Variants in L3MBTL2 observed in about 807,000 individuals in gnomAD.
L3MBTL2 encodes the protein L3MBTL histone methyl-lysine binding protein 2.
In L3MBTL2, 49 loss-of-function variants were observed where a neutral mutation model predicts 86.4. That is an observed-to-expected ratio of 0.57 (90% CI 0.45 to 0.72). The LOEUF is 0.72. Ranked by LOEUF, L3MBTL2 falls within the 30% of genes least tolerant of loss-of-function variation. L3MBTL2 has a pLI of 0.00. For missense variants in L3MBTL2, 755 were observed against 923.7 expected (o/e 0.82, Z 2.37); for synonymous variants, 336 against 350.6 (o/e 0.96, Z 0.47).
At position 41,224,971 on chromosome 22, in the gene L3MBTL2, G is replaced by T. The variant is rs774290679; in HGVS notation, c.1256G>T (p.Arg419Leu). The T allele has an allele frequency of 1.2e-6, 2 of 1,613,432 alleles. No individual in the cohort carries two copies. The highest frequency in any genetic ancestry group is 1.7e-6 in the Non-Finnish European group (2 of 1,179,644). ...DAVPYLFKKV[R>L]AVYTEGGWFE... ...CAGCTGTCCCATTCCTTTAAGGTAC[G>T]AGCAGTCTACACAGAAGGCGGTTGG... is the stretch of plus-strand genomic sequence containing the variant. Residue 419 changes from arginine (R) to leucine (L), a missense_variant, in exon 11 of 17, where the codon CGA (arginine) becomes CTA (leucine). This residue lies in a region of L3MBTL2 where 634 missense variants were observed against 748.9 expected (regional missense o/e 0.85). Transcript: ENST00000216237. The surrounding 1 kb of genome is among the most constrained non-coding windows in gnomAD (Gnocchi z 4.9).
intron 2 of L3MBTL2, among the ~76,000 whole-genome samples, chr22:41,211,560 T>TCTTTC (rs199952487): frequency 7.3e-5 from 9 of 123,986 alleles, no homozygotes; most frequent in Non-Finnish European, 1.1e-4. Flanking sequence ...TTATTTCCTT[T>TCTTTC]TTTTTTTTTT....
At chr22:41,226,512 C>G in intron 12 of L3MBTL2, 150 bp from the exon 13 acceptor site, 2 of 671,102 alleles carry the variant, frequency 3.0e-6, no homozygotes, top group Non-Finnish European at 5.3e-6. Flanking sequence ...AGAGCAGGTA[C>G]TACCCTGAGG....
chr22:41,220,181 C>G (rs1366879842), intron 6 of L3MBTL2, among the ~76,000 whole-genome samples: 2 of 152,118 alleles, frequency 1.3e-5, no homozygotes, highest in Admixed American at 1.3e-4. Flanking sequence ...GATACTGTCT[C>G]TATAAAAAAT....
At chr22:41,212,666 C>G (rs12167677) in intron 2 of L3MBTL2, among the ~76,000 whole-genome samples, 63,382 of 151,460 alleles carry the variant, frequency 0.42, 13,975 homozygotes, top group African/African-American at 0.56. Flanking sequence ...GAGGCCGAGG[C>G]GGGAGGATCA....
intron 16 of L3MBTL2, chr22:41,229,861 G>T: frequency 1.2e-6 from 1 of 847,362 alleles, no homozygotes; most frequent in South Asian, 1.5e-5. Flanking sequence ...CCTCTAGCCC[G>T]GCCCCGGCCC....
chr22:41,209,652 C>A, intron 1 of L3MBTL2, 44 bp from the exon 2 acceptor site: 1 of 1,572,670 alleles, frequency 6.4e-7, no homozygotes. Context: ...TGCACTAAAG[C>A]CAATCATAAT....
Position 41,209,746 on chromosome 22 carries a change from G to A in L3MBTL2, c.75G>A (p.Glu25=). ...PMEEEEDDDL[E]LFGGYDSFRS... ...AGGAAGAGGAAGATGACGACTTGGA[G>A]CTGTTTGGTGGCTATGATAGTTTCC... is the stretch of plus-strand genomic sequence containing the variant. Residue 25 remains glutamate (E), a synonymous_variant, in exon 2 of 17, where the codon GAG becomes GAA. Transcript: ENST00000216237. 1 of 1,614,224 alleles carries A rather than the reference G, an allele frequency of 6.2e-7. No individual in the cohort carries two copies. Among genetic ancestry groups the A allele is most frequent in the Non-Finnish European group, 8.5e-7 (1 of 1,180,044 alleles).
intron 2 of L3MBTL2, among the ~76,000 whole-genome samples, chr22:41,212,144 G>A (rs377438748): frequency 3.3e-5 from 5 of 152,168 alleles, no homozygotes; most frequent in East Asian, 3.9e-4. Flanking sequence ...GATTGCAGGC[G>A]TGAGCCACCG....
chr22:41,228,448 A>G, intron 15 of L3MBTL2: 1 of 985,438 alleles, frequency 1.0e-6, no homozygotes, highest in Non-Finnish European at 1.2e-6. Flanking sequence ...GGGCAAAGCC[A>G]TCCTTCAGAG....
chr22:41,210,087 A>G, intron 2 of L3MBTL2, 154 bp downstream of exon 2: 1 of 866,998 alleles, frequency 1.2e-6, no homozygotes, highest in Non-Finnish European at 1.6e-6. Flanking sequence ...CCTGTAAGGG[A>G]GACAGAAGCA....
Position 41,224,684 on chromosome 22 carries a change from A to C in L3MBTL2, c.1175-41A>C, listed in dbSNP as rs1364547577. The C allele has an allele frequency of 6.6e-7, 1 of 1,524,928 alleles. No homozygotes were observed. The allele number at this position is 1,524,928 out of a possible 1,614,324, so 94.5% of individuals were successfully genotyped here. On this transcript the variant is annotated intron_variant, in intron 9 of 16. Transcript: ENST00000216237. This position sits in a 1 kb window ranked among gnomAD's most constrained non-coding sequence, Gnocchi z 4.9. ...GGAGATGGCCCAGGAGCCGCCTCCAACTCCCTTCTCTCCCTCATTCCCTAT... is the reference window on the plus strand; with the variant it reads ...GGAGATGGCCCAGGAGCCGCCTCCACCTCCCTTCTCTCCCTCATTCCCTAT...
At chr22:41,216,846 TC>T (rs1366737559) in intron 4 of L3MBTL2, among the ~76,000 whole-genome samples, 1 of 152,228 alleles carries the variant, frequency 6.6e-6, no homozygotes, top group African/African-American at 2.4e-5. Flanking sequence ...ATTTCAGTTT[TC>T]CCCTTTGGGG....
chr22:41,230,346 T>C lies in L3MBTL2; in HGVS notation c.*95T>C. The C allele has an allele frequency of 2.3e-6, 2 of 883,148 alleles. No individual in the cohort carries two copies. Among genetic ancestry groups the C allele is most frequent in the Non-Finnish European group, 3.7e-6 (2 of 542,110 alleles). 54.7% of individuals were successfully genotyped at this position (883,148 alleles called of 1,614,324 possible). ...CTCCACCTGACTTTGGCTTGGAGAC[T>C]GATCCTCTCTGTGTAAATTCTGCCC... On this transcript the variant is annotated 3_prime_UTR_variant, in exon 17 of 17. Transcript: ENST00000216237.
intron 6 of L3MBTL2, 113 bp downstream of exon 6, chr22:41,219,649 T>C: frequency 1.5e-6 from 1 of 687,750 alleles, no homozygotes; most frequent in Non-Finnish European, 2.6e-6. Context: ...TCCCACCCAC[T>C]GGAATTTTTG....
intron 2 of L3MBTL2, among the ~76,000 whole-genome samples, chr22:41,212,985 G>T (rs979073879): frequency 6.6e-6 from 1 of 151,572 alleles, no homozygotes; most frequent in Admixed American, 6.6e-5. Context: ...TTGGGAGGCC[G>T]ACACGGCGGA....
chr22:41,211,724 T>C (rs1275321754), intron 2 of L3MBTL2, among the ~76,000 whole-genome samples: 1 of 116,380 alleles, frequency 8.6e-6, no homozygotes, highest in Non-Finnish European at 1.8e-5. Context: ...ACCCGGCTAA[T>C]TTTTTTTGTA....
chr22:41,211,292 C>T lies in L3MBTL2; in HGVS notation c.262+1359C>T, dbSNP rs571068510. Among the ~76,000 whole-genome samples, 4 of 152,256 alleles carry T rather than the reference C, an allele frequency of 2.6e-5. No homozygotes were observed. In the East Asian group the frequency reaches 7.7e-4, roughly 29 times the overall value. ...AATGGCTCACTGCAGCCTCGACCTC[C>T]TGGGCTCAGGCAATCCTTCCACCTC... On this transcript the variant is annotated intron_variant, in intron 2 of 16. Coordinates refer to ENST00000216237, the MANE Select transcript of L3MBTL2 (RefSeq NM_031488.5).
intron 12 of L3MBTL2, 118 bp downstream of exon 12, chr22:41,226,059 C>G (rs1303800611): frequency 8.9e-7 from 1 of 1,122,632 alleles, no homozygotes; most frequent in Non-Finnish European, 1.3e-6. Context: ...GGTGGATGAC[C>G]TGAGGTCAGG....
rs1234885994 is a variant in L3MBTL2 at position 41,230,304 on chromosome 22, TACC to T, written c.*64_*66del. 3.7e-5 allele frequency: 48 copies of T among 1,301,808 alleles called. No homozygotes were observed. Among genetic ancestry groups the T allele is most frequent in the Admixed American group, 5.1e-5 (3 of 58,404 alleles). 80.6% of individuals were successfully genotyped at this position (1,301,808 alleles called of 1,614,324 possible). A position where few individuals can be genotyped will look rare whatever the true frequency, so the allele number is the denominator to read the frequency against. ...GCTGGAAGCCAGCCCAGCGTTTCTC[TACC>T]ACCACCACCATGCCTCCACCTGACT... On this transcript the variant is annotated 3_prime_UTR_variant, in exon 17 of 17. Coordinates refer to ENST00000216237, the MANE Select transcript of L3MBTL2 (RefSeq NM_031488.5).
Sources: gnomAD v4.1 joint callset for allele counts (sites outside exome capture counted in the v4.1 genomes callset) on GRCh38, gnomAD v4.1.1 for gene constraint, gnomAD v4.1.1 regional missense constraint, Gnocchi (gnomAD v3.1) non-coding constraint, MANE v1.5 for transcripts, NCBI Gene and HGNC (gene_info 2026-07-23, HGNC 2026-07-21) for gene names.